Variants in ZNF713 observed in about 807,000 individuals in gnomAD.
The protein encoded by ZNF713 is zinc finger protein 713.
A neutral mutation model predicts 28.7 loss-of-function variants in ZNF713; 21 were observed. The ratio of observed to expected loss-of-function variants is 0.73; its 90% CI spans 0.52 to 1.05. ZNF713 has a LOEUF of 1.05. ZNF713 is among the 50% of genes least tolerant of loss of function. The pLI, the probability that ZNF713 is intolerant of heterozygous loss-of-function variation, is 0.00. For synonymous variants in ZNF713, 167 were observed against 178.0 expected, an observed-to-expected ratio of 0.94 and a Z score of 0.49; for missense variants, 458 against 532.4, an observed-to-expected ratio of 0.86 and a Z score of 1.37.
At chr7:55,887,896 C>CGGCGGCGGGAGGCGGCAGGT (rs1554334697) in intron 1 of ZNF713, among the ~76,000 whole-genome samples, 7 of 82,250 alleles carry the variant, frequency 8.5e-5, no homozygotes, top group Admixed American at 1.2e-4. Flanking sequence ...CGGGCGGCGG[C>CGGCGGCGGGAGGCGGCAGGT]GGCGGCGGGA....
rs1491543707 is a variant in ZNF713 at position 55,887,717 on chromosome 7, GGA to G, written c.-583+39_-583+40del. 8.8e-4 allele frequency: 10 copies of G among 11,420 alleles called. 4 individuals carry two copies. Among genetic ancestry groups the G allele is most frequent in the African/African-American group, 7.6e-3 (9 of 1,192 alleles). The allele number at this position is 11,420 out of a possible 1,614,324, so 0.7% of individuals were successfully genotyped here. A position where few individuals can be genotyped will look rare whatever the true frequency, so the allele number is the denominator to read the frequency against. On this transcript the variant is annotated intron_variant, in intron 1 of 6. Transcript: ENST00000429591. ...CCGGGAGGAGGCGGAGGCGGGAGGC[GGA>G]GGCGGGGGGCGGAGGCGGGGGGCGG...
chr7:55,932,163 T>C (rs1251268783), intron 6 of ZNF713, among the ~76,000 whole-genome samples: 1 of 152,210 alleles, frequency 6.6e-6, no homozygotes. Context: ...TAGACCATAG[T>C]CATTTGTATA....
intron 6 of ZNF713, 81 bp from the exon 7 acceptor site, chr7:55,938,901 C>T (rs973264351): frequency 1.6e-5 from 23 of 1,399,152 alleles, no homozygotes; most frequent in Middle Eastern, 2.0e-4. Flanking sequence ...TTTGGTAATT[C>T]GCTGTGCAAC....
intron 6 of ZNF713, among the ~76,000 whole-genome samples, chr7:55,933,020 A>G (rs1786272481): frequency 1.3e-5 from 2 of 151,038 alleles, no homozygotes; most frequent in South Asian, 4.2e-4. Flanking sequence ...GGCGAATCAC[A>G]AGGTCAGGAG....
intron 6 of ZNF713, among the ~76,000 whole-genome samples, chr7:55,931,928 C>T (rs1478249084): frequency 1.3e-5 from 2 of 152,150 alleles, no homozygotes; most frequent in African/African-American, 4.8e-5. Context: ...CCACAGGCTG[C>T]AGATTCAGTG....
chr7:55,909,971 ATGTG>A lies in ZNF713; in HGVS notation c.-455-1627_-455-1624del, dbSNP rs71015122. On this transcript the variant is annotated intron_variant, in intron 2 of 6. Coordinates refer to ENST00000429591, the MANE Select transcript of ZNF713 (RefSeq NM_182633.3). ...TATATGTGTGTGTATATATACGTTTATGTGTGTGTGTGTGTGTGTGTATATACGT... is the reference window on the plus strand; with the variant it reads ...TATATGTGTGTGTATATATACGTTTATGTGTGTGTGTGTGTGTATATACGT... Among the ~76,000 whole-genome samples, 180 of 146,782 alleles carry A rather than the reference ATGTG, an allele frequency of 1.2e-3. 2 individuals are homozygous for A. Among genetic ancestry groups the A allele is most frequent in the Admixed American group, 2.8e-3 (41 of 14,670 alleles).
chr7:55,910,671 T>TTTTTTG (rs1785768524), intron 2 of ZNF713, among the ~76,000 whole-genome samples: 1 of 152,078 alleles, frequency 6.6e-6, no homozygotes, highest in Admixed American at 6.6e-5. Flanking sequence ...AATTTTTGTA[T>TTTTTTG]TTTTTGTAGA....
chr7:55,905,996 G>C (rs7787869), intron 1 of ZNF713, among the ~76,000 whole-genome samples: 1 of 151,882 alleles, frequency 6.6e-6, no homozygotes, highest in Non-Finnish European at 1.5e-5. Context: ...CAGCTATTTG[G>C]GAGGCTGAGG....
rs114869057 is a variant in ZNF713 at position 55,905,578 on chromosome 7, A to G, written c.-582-675A>G. Among the ~76,000 whole-genome samples the G allele has an allele frequency of 2.7e-3, 416 of 152,122 alleles. 3 individuals are homozygous for G. Among genetic ancestry groups the G allele is most frequent in the African/African-American group, 9.2e-3 (381 of 41,524 alleles). ...GGAGCCCTCTTCAGTTTGTACTGAA[A>G]AGAAAAATGGATCAGTCTGAGCTGT... On this transcript the variant is annotated intron_variant, in intron 1 of 6. Transcript: ENST00000429591.
At chr7:55,909,971 ATGTGTG>A (rs71015122) in intron 2 of ZNF713, among the ~76,000 whole-genome samples, 5 of 146,684 alleles carry the variant, frequency 3.4e-5, no homozygotes, top group Non-Finnish European at 6.0e-5. Flanking sequence ...ATATACGTTT[ATGTGTG>A]TGTGTGTGTG....
chr7:55,909,336 T>A (rs1039655184), intron 2 of ZNF713, among the ~76,000 whole-genome samples: 6 of 152,164 alleles, frequency 3.9e-5, no homozygotes, highest in Admixed American at 3.3e-4. Flanking sequence ...CAAAGACCAG[T>A]TGATTGTAGG....
chr7:55,912,669 G>T lies in ZNF713; in HGVS notation c.33G>T (p.Glu11Asp), dbSNP rs1467568734. MPSQNAVFSQ[E>D]GNMEEEEMND... ...CTCAGAATGCTGTTTTTTCTCAGGA[G>T]GGGAACATGGAGGAGGAAGAAATGA... is the stretch of plus-strand genomic sequence containing the variant. Residue 11 changes from glutamate to aspartate, a missense_variant, in exon 4 of 7, where the codon GAG (glutamate) becomes GAT (aspartate). Glu to Asp is a conservative substitution (Grantham distance 45, BLOSUM62 2). Coordinates refer to ENST00000429591, the MANE Select transcript of ZNF713 (RefSeq NM_182633.3). 1 of 1,613,382 alleles carries T rather than the reference G, an allele frequency of 6.2e-7. No individual in the cohort carries two copies. Among genetic ancestry groups the T allele is most frequent in the Non-Finnish European group, 8.5e-7 (1 of 1,179,808 alleles).
intron 2 of ZNF713, among the ~76,000 whole-genome samples, chr7:55,908,752 C>T (rs1339978047): frequency 6.6e-6 from 1 of 152,058 alleles, no homozygotes; most frequent in Non-Finnish European, 1.5e-5. Context: ...TTTATCTTTG[C>T]TTTTGTTGCA....
chr7:55,896,001 A>C (rs1785466606), intron 1 of ZNF713, among the ~76,000 whole-genome samples: 1 of 152,116 alleles, frequency 6.6e-6, no homozygotes, highest in Non-Finnish European at 1.5e-5. Context: ...TGTATGGAAA[A>C]TTAATGGCAA....
At chr7:55,894,186 T>A (rs77675087) in intron 1 of ZNF713, among the ~76,000 whole-genome samples, 5,428 of 152,266 alleles carry the variant, frequency 0.036, 332 homozygotes, top group African/African-American at 0.12. Flanking sequence ...ACATGTCCCA[T>A]GGCCTCAGGC....
Position 55,940,533 on chromosome 7 carries a change from AT to A in ZNF713, c.*529del. The A allele has an allele frequency of 3.1e-6, 3 of 981,242 alleles. No individual in the cohort carries two copies. The highest frequency in any genetic ancestry group is 3.6e-6 in the Non-Finnish European group (3 of 826,164). 60.8% of individuals were successfully genotyped at this position (981,242 alleles called of 1,614,324 possible). On this transcript the variant is annotated 3_prime_UTR_variant, in exon 7 of 7. Coordinates refer to ENST00000429591, the MANE Select transcript of ZNF713 (RefSeq NM_182633.3). The stretch of plus-strand genomic sequence containing the variant: ...AAAAATAATTTATTTTACAAATGAG[AT>A]TATATTTGGAGTCATGTTCCAAATC...
chr7:55,895,847 T>C (rs1785464173), intron 1 of ZNF713, among the ~76,000 whole-genome samples: 1 of 152,178 alleles, frequency 6.6e-6, no homozygotes, highest in African/African-American at 2.4e-5. Context: ...GATACTATTA[T>C]TATTCCTAGT....
chr7:55,939,961 A>G lies in ZNF713; in HGVS notation c.1287A>G (p.Lys429=). The G allele has an allele frequency of 6.2e-7, 1 of 1,609,216 alleles. No individual in the cohort carries two copies. Among genetic ancestry groups the G allele is most frequent in the Non-Finnish European group, 8.5e-7 (1 of 1,176,770 alleles). ...CTCGGGAGAAATTATGTGAATATAA[A>G]TGTGAGCAAACTGTTCGCCACAGTC... ...IHTREKLCEY[K]CEQTVRHSPS... The change falls in exon 7 of 7, where the codon AAA becomes AAG. Residue 429 remains lysine (K), a synonymous_variant. Transcript: ENST00000429591.
chr7:55,937,235 A>G (rs1356266824), intron 6 of ZNF713, among the ~76,000 whole-genome samples: 2 of 152,034 alleles, frequency 1.3e-5, no homozygotes, highest in African/African-American at 4.8e-5. Context: ...ACAAGACAAG[A>G]GGTTGCAGGG....
Sources: allele counts gnomAD v4.1 joint callset (sites outside exome capture counted in the v4.1 genomes callset), GRCh38; gene constraint gnomAD v4.1.1; transcripts MANE v1.5; gene names NCBI Gene and HGNC (gene_info 2026-07-23, HGNC 2026-07-21).